PEX16: variants seen among roughly 807,000 people sequenced by gnomAD.
The protein encoded by PEX16 is peroxisomal biogenesis factor 16, also known as peroxin 16.
A neutral mutation model predicts 50.5 loss-of-function variants in PEX16; 37 were observed. The ratio of observed to expected loss-of-function variants is 0.73; its 90% CI spans 0.56 to 0.96. The LOEUF (loss-of-function observed/expected upper bound fraction) is 0.96. Among genes scored for constraint, PEX16 ranks in the 40% least tolerant of loss-of-function variants. The pLI is 0.00. For synonymous variants in PEX16, 185 were observed against 190.3 expected (o/e 0.97, Z 0.23); for missense variants, 401 against 438.3 (o/e 0.91, Z 0.76).
intron 10 of PEX16, 37 bp from the exon 11 acceptor site, chr11:45,910,349 C>T (rs1311401164): frequency 6.5e-7 from 1 of 1,529,904 alleles, no homozygotes; most frequent in South Asian, 1.1e-5. Flanking sequence ...GCAGGCCAGA[C>T]CCCAATCTGC....
rs758739455 is a variant in PEX16, at chr11:45,914,398, C to T, written c.612G>A (p.Glu204=). 7 of 1,609,692 alleles carry T rather than the reference C, an allele frequency of 4.3e-6. No individual in the cohort carries two copies. The African/African-American group carries it at 8.0e-5, about 18-fold the overall frequency. Residue 204 remains glutamate, a synonymous_variant, in exon 7 of 11, where the codon GAG becomes GAA. Coordinates refer to ENST00000378750, the MANE Select transcript of PEX16 (RefSeq NM_004813.4). The part of the protein sequence containing the change: ...QREGRQQQHH[E]ELSATPTPLG... ...GGGGGGTGGGGGTCGCACTCAGCTC[C>T]TCGTGATGCTGCTGCTGCCGTCCCT...
chr11:45,915,365 C>A (rs999996286), intron 5 of PEX16, 103 bp downstream of exon 5: 3 of 823,738 alleles, frequency 3.6e-6, no homozygotes, highest in Non-Finnish European at 4.2e-6. Context: ...TAGGGACAGG[C>A]GTGCTCCATA....
chr11:45,917,305 C>A (rs1334591915), intron 2 of PEX16, among the ~76,000 whole-genome samples, 153 bp downstream of exon 2: 1 of 152,142 alleles, frequency 6.6e-6, no homozygotes, highest in African/African-American at 2.4e-5. Flanking sequence ...GGGCCCAGGA[C>A]AATGAACAAC....
At chr11:45,915,339 G>A (rs780265043) in intron 5 of PEX16, 129 bp downstream of exon 5, 343 of 697,470 alleles carry the variant, frequency 4.9e-4, no homozygotes, top group Non-Finnish European at 7.5e-4. Context: ...ACATGGCAAT[G>A]AGAACACATA....
In PEX16 at chr11:45,909,884, C is replaced by G; in HGVS notation, c.*370G>C. The G allele has an allele frequency of 1.7e-6, 1 of 602,040 alleles. No individual in the cohort carries two copies. The highest frequency in any genetic ancestry group is 3.0e-6 in the Non-Finnish European group (1 of 335,830). 37.3% of individuals were successfully genotyped at this position (602,040 alleles called of 1,614,324 possible). The stretch of plus-strand genomic sequence containing the variant: ...GCAGCGTTCAGCCATCACCCGGGTT[C>G]AGGCTTCCTGTCCTCACCAGGGGCC... On this transcript the variant is annotated 3_prime_UTR_variant, in exon 11 of 11. Coordinates refer to ENST00000378750, the MANE Select transcript of PEX16 (RefSeq NM_004813.4).
At chr11:45,917,202 G>A in intron 2 of PEX16, 2 of 697,014 alleles carry the variant, frequency 2.9e-6, no homozygotes, top group Admixed American at 4.0e-5. Context: ...GGATTAACAA[G>A]TAAAGGTAAG....
rs1218447070 is a variant in PEX16, at chr11:45,909,933, T to G, written c.*321A>C. ...CCAGCGAGAGAGCAGCAGTGTTCGC[T>G]CCTATGGCTGCCGAGGCGAGCAGCT... is the stretch of plus-strand genomic sequence containing the variant. On this transcript the variant is annotated 3_prime_UTR_variant, in exon 11 of 11. Coordinates refer to ENST00000378750, the MANE Select transcript of PEX16 (RefSeq NM_004813.4). 2.9e-6 allele frequency: 2 copies of G among 699,684 alleles called. No individual in the cohort carries two copies. The highest frequency in any genetic ancestry group is 5.0e-6 in the Non-Finnish European group (2 of 396,254). The allele number at this position is 699,684 out of a possible 1,614,324, so 43.3% of individuals were successfully genotyped here.
intron 2 of PEX16, among the ~76,000 whole-genome samples, chr11:45,916,581 C>G (rs2086838439): frequency 6.6e-6 from 1 of 152,228 alleles, no homozygotes; most frequent in African/African-American, 2.4e-5. Flanking sequence ...CCACAACTGC[C>G]CATCGCTCTC....
rs144897515 is a variant in PEX16 at position 45,910,263 on chromosome 11, A to G, written c.1002T>C (p.Ser334=). ...LPTWQKIYFY[S]WG is the part of the protein sequence containing the mutation. ...CCTTCCGGGAGGTCTGTCAGCCCCA[A>G]CTGTAGAAGTAGATTTTCTGCCAGG... Residue 334 remains serine (S), a synonymous_variant, in exon 11 of 11, where the codon AGT becomes AGC. Coordinates refer to ENST00000378750, the MANE Select transcript of PEX16 (RefSeq NM_004813.4). 2.0e-4 allele frequency: 328 copies of G among 1,613,804 alleles called. No individual in the cohort carries two copies. Among genetic ancestry groups the G allele is most frequent in the Middle Eastern group, 1.7e-4 (1 of 6,018 alleles).
At position 45,913,956 on chromosome 11, in the gene PEX16, C is replaced by T. The variant is rs374677338; in HGVS notation, c.768-18G>A. 1.7e-4 allele frequency: 280 copies of T among 1,611,226 alleles called. 1 individual carries two copies. Among genetic ancestry groups the T allele is most frequent in the Non-Finnish European group, 2.2e-4 (264 of 1,179,916 alleles). ...GGCTCAGGCTGGGAGGCAGGGAGGA[C>T]ATGGTCAGGGCCAGGGGCATGATCT... On this transcript the variant is annotated intron_variant, in intron 8 of 10. Coordinates refer to ENST00000378750, the MANE Select transcript of PEX16 (RefSeq NM_004813.4).
intron 9 of PEX16, among the ~76,000 whole-genome samples, chr11:45,913,559 G>A (rs1261861068): frequency 6.6e-6 from 1 of 152,246 alleles, no homozygotes; most frequent in African/African-American, 2.4e-5. Flanking sequence ...CATCCCTGTG[G>A]GCCACCTGGC....
At chr11:45,917,665 GC>G (rs1327235315) in intron 1 of PEX16, 34 bp downstream of exon 1, 1 of 1,515,230 alleles carries the variant, frequency 6.6e-7, no homozygotes. Flanking sequence ...ATAGGTCAGG[GC>G]CCAGAAGGAA....
At chr11:45,915,645 T>C in intron 4 of PEX16, 58 bp downstream of exon 4, 3 of 1,612,892 alleles carry the variant, frequency 1.9e-6, no homozygotes, top group Non-Finnish European at 2.5e-6. Context: ...CTGAGCACCA[T>C]CTGTGTAGCT....
In PEX16 at chr11:45,909,997, G is replaced by T; in HGVS notation, c.*257C>A. 2 of 1,184,926 alleles carry T rather than the reference G, an allele frequency of 1.7e-6. No homozygotes were observed. The allele number at this position is 1,184,926 out of a possible 1,614,324, so 73.4% of individuals were successfully genotyped here. On this transcript the variant is annotated 3_prime_UTR_variant, in exon 11 of 11. Transcript: ENST00000378750. ...GAGGTGAAGTCACCGCTTTCTGTGGGAGAGGAGCCTGGATCCCACTCCTAG... is the reference window on the plus strand; with the variant it reads ...GAGGTGAAGTCACCGCTTTCTGTGGTAGAGGAGCCTGGATCCCACTCCTAG...
chr11:45,916,201 C>T (rs752962072), intron 3 of PEX16, 26 bp downstream of exon 3: 2 of 1,570,882 alleles, frequency 1.3e-6, no homozygotes, highest in Non-Finnish European at 1.8e-6. Flanking sequence ...CCATGCTTCC[C>T]ACCCTGTTCT....
Position 45,915,572 on chromosome 11 carries a change from G to C in PEX16, c.360-4C>G, listed in dbSNP as rs1314002727. 6.2e-7 allele frequency: 1 copy of C among 1,613,970 alleles called. No individual in the cohort carries two copies. The highest frequency in any genetic ancestry group is 8.5e-7 in the Non-Finnish European group (1 of 1,179,890). On this transcript the variant is annotated splice_region_variant and splice_polypyrimidine_tract_variant and intron_variant, in intron 4 of 10. Transcript: ENST00000378750. ...CAGGAGCATCCGCAGTACAGCCCTG[G>C]GTCGGGGAGTATGTCAGGGTTGTGG...
At chr11:45,913,002 T>TA (rs2086794420) in intron 9 of PEX16, among the ~76,000 whole-genome samples, 4 of 150,800 alleles carry the variant, frequency 2.7e-5, no homozygotes, top group Non-Finnish European at 4.4e-5. Context: ...ATTATTATTT[T>TA]TTTTTTTTTT....
At chr11:45,914,246 T>C (rs774875396) in intron 7 of PEX16, 43 bp from the exon 8 acceptor site, 1 of 1,613,198 alleles carries the variant, frequency 6.2e-7, no homozygotes, top group East Asian at 2.2e-5. Context: ...ACAGGGGCCT[T>C]GCTCAGCACA....
intron 9 of PEX16, chr11:45,911,786 G>A (rs974331192): frequency 6.6e-6 from 1 of 152,182 alleles, no homozygotes; most frequent in African/African-American, 2.4e-5. Context: ...CGCTTTGGGA[G>A]GCCAAGGCGG....
Sources: allele counts gnomAD v4.1 joint callset (sites outside exome capture counted in the v4.1 genomes callset), GRCh38; gene constraint gnomAD v4.1.1; transcripts MANE v1.5; gene names NCBI Gene and HGNC (gene_info 2026-07-23, HGNC 2026-07-21).